CNIH3: variants seen among roughly 807,000 people sequenced by gnomAD.
CNIH3 encodes the protein protein cornichon homolog 3.
A neutral mutation model predicts 24.1 loss-of-function variants in CNIH3; 14 were observed. The observed-to-expected ratio is 0.58, with a 90% CI of 0.38 to 0.91. The LOEUF (loss-of-function observed/expected upper bound fraction) is 0.91, where lower values mean the gene tolerates loss of function less well. Among genes scored for constraint, CNIH3 ranks in the 40% least tolerant of loss-of-function variants. The pLI is 0.00. For synonymous variants in CNIH3, 68 were observed against 73.8 expected (o/e 0.92, Z 0.40); for missense variants, 178 against 196.8 (o/e 0.90, Z 0.57).
At chr1:224,718,244 C>T (rs1558329643) in intron 3 of CNIH3, among the ~76,000 whole-genome samples, 1 of 151,626 alleles carries the variant, frequency 6.6e-6, no homozygotes, top group Non-Finnish European at 1.5e-5. Context: ...GAGGAGGTGA[C>T]CTTGAGTAGG....
At chr1:224,735,804 C>G (rs923429801) in intron 5 of CNIH3, among the ~76,000 whole-genome samples, 2 of 151,866 alleles carry the variant, frequency 1.3e-5, no homozygotes, top group African/African-American at 4.8e-5. Context: ...GTGTGTGTCA[C>G]CATGCCCGGC....
intron 1 of CNIH3, among the ~76,000 whole-genome samples, chr1:224,497,317 T>C (rs1677477320): frequency 6.6e-6 from 1 of 152,250 alleles, no homozygotes; most frequent in South Asian, 2.1e-4. Flanking sequence ...CACAACATAG[T>C]GAATATACTA....
intron 2 of CNIH3, among the ~76,000 whole-genome samples, chr1:224,527,735 A>G (rs898359991): frequency 3.3e-5 from 5 of 152,232 alleles, no homozygotes; most frequent in Non-Finnish European, 7.3e-5. Flanking sequence ...TATATTTGAG[A>G]TGATGGATAT....
intron 1 of CNIH3, among the ~76,000 whole-genome samples, chr1:224,436,397 T>C (rs892693450): frequency 6.6e-6 from 1 of 152,218 alleles, no homozygotes; most frequent in African/African-American, 2.4e-5. Flanking sequence ...AATAATTTAT[T>C]AGGCCCATAG....
chr1:224,487,524 T>G (rs1421102849), intron 1 of CNIH3, among the ~76,000 whole-genome samples: 1 of 152,232 alleles, frequency 6.6e-6, no homozygotes, highest in Non-Finnish European at 1.5e-5. Flanking sequence ...TCTCAGCTGT[T>G]TCCCTCCATA....
chr1:224,713,367 C>A (rs968676885), intron 3 of CNIH3, among the ~76,000 whole-genome samples: 2 of 152,202 alleles, frequency 1.3e-5, no homozygotes, highest in African/African-American at 4.8e-5. Context: ...TCAGCTCTCA[C>A]CTTGCTTTGA....
At position 224,524,610 on chromosome 1, in the gene CNIH3, T is replaced by C. The variant is rs2124920482; in HGVS notation, n.343+3283T>C. Reference sequence around the variant, plus strand: ...GGGAATGACTTAGTTTTTGAAAGTATGTAGTATAGTTGCATTGTGTTAGGT... The same window carrying C: ...GGGAATGACTTAGTTTTTGAAAGTACGTAGTATAGTTGCATTGTGTTAGGT... On this transcript the variant is annotated intron_variant and non_coding_transcript_variant, in intron 2 of 2. Coordinates refer to the CNIH3 transcript ENST00000470602. Among the ~76,000 whole-genome samples the C allele has an allele frequency of 2.0e-5, 3 of 152,300 alleles. No individual in the cohort carries two copies. In the South Asian group the frequency reaches 6.2e-4, roughly 32 times the overall value.
chr1:224,607,528 C>G (rs1558205224), intron 3 of CNIH3, among the ~76,000 whole-genome samples: 3 of 151,996 alleles, frequency 2.0e-5, no homozygotes, highest in African/African-American at 7.3e-5. Flanking sequence ...ATGCATTCCT[C>G]TGGTCCTCAG....
chr1:224,594,050 T>C (rs915464890), intron 3 of CNIH3, among the ~76,000 whole-genome samples: 4 of 152,326 alleles, frequency 2.6e-5, no homozygotes, highest in African/African-American at 4.8e-5. Context: ...GTTTGAGAAG[T>C]TGAAAAAGTT....
intron 3 of CNIH3, among the ~76,000 whole-genome samples, chr1:224,695,395 C>G (rs900576082): frequency 7.3e-6 from 1 of 136,504 alleles, no homozygotes; most frequent in African/African-American, 2.6e-5. Flanking sequence ...CACACACACA[C>G]CCCTGTTGGT....
At chr1:224,687,724 T>G (rs1026779316) in intron 3 of CNIH3, among the ~76,000 whole-genome samples, 3 of 152,178 alleles carry the variant, frequency 2.0e-5, no homozygotes, top group Non-Finnish European at 4.4e-5. Context: ...CCTTGCACAG[T>G]AACAGACCAA....
chr1:224,435,133 G>A (rs1674590289), intron 1 of CNIH3: 9 of 985,948 alleles, frequency 9.1e-6, no homozygotes, highest in Non-Finnish European at 1.1e-5. Context: ...CACCAGTGTG[G>A]CATGGGCATG....
intron 3 of CNIH3, among the ~76,000 whole-genome samples, chr1:224,689,008 C>T (rs1686800807): frequency 6.6e-6 from 1 of 152,004 alleles, no homozygotes; most frequent in African/African-American, 2.4e-5. Flanking sequence ...AGATCTCTGA[C>T]CTACAGTTTC....
intron 4 of CNIH3, among the ~76,000 whole-genome samples, chr1:224,731,382 T>C (rs1689317977): frequency 6.6e-6 from 1 of 152,242 alleles, no homozygotes; most frequent in Non-Finnish European, 1.5e-5. Context: ...ATGTGATTTT[T>C]GGCTTTTTGT....
intron 3 of CNIH3, among the ~76,000 whole-genome samples, chr1:224,706,964 T>C (rs1031807147): frequency 3.6e-4 from 49 of 137,492 alleles, no homozygotes; most frequent in South Asian, 7.8e-4. Context: ...CTTTCTTTTT[T>C]TTTTTTTTTT....
At chr1:224,584,939 GA>G (rs1045028841) in intron 5 of CNIH3, among the ~76,000 whole-genome samples, 1 of 152,146 alleles carries the variant, frequency 6.6e-6, no homozygotes, top group Non-Finnish European at 1.5e-5. Context: ...AGCTTCTAAA[GA>G]ACCCCTCAAA....
chr1:224,471,997 C>T (rs1676392985), intron 1 of CNIH3, among the ~76,000 whole-genome samples: 1 of 152,172 alleles, frequency 6.6e-6, no homozygotes, highest in Non-Finnish European at 1.5e-5. Flanking sequence ...CAAATCTTGG[C>T]TATTGTCAAT....
intron 1 of CNIH3, among the ~76,000 whole-genome samples, chr1:224,508,862 T>G (rs1299894230): frequency 1.3e-5 from 2 of 152,218 alleles, no homozygotes; most frequent in Non-Finnish European, 2.9e-5. Flanking sequence ...AGGTACAGTA[T>G]TAGACCCTGG....
chr1:224,670,095 G>T (rs1464992967), intron 1 of CNIH3, among the ~76,000 whole-genome samples: 1 of 152,186 alleles, frequency 6.6e-6, no homozygotes, highest in African/African-American at 2.4e-5. Flanking sequence ...GAGGAGTGAA[G>T]TGACAAGCTC....
Sources: gnomAD v4.1 joint callset for allele counts (sites outside exome capture counted in the v4.1 genomes callset) on GRCh38, gnomAD v4.1.1 for gene constraint, MANE v1.5 for transcripts, NCBI Gene and HGNC (gene_info 2026-07-23, HGNC 2026-07-21) for gene names.